RABGAP1L: variants seen among roughly 807,000 people sequenced by gnomAD.
RABGAP1L encodes rab GTPase-activating protein 1-like.
RABGAP1L carries 63 observed loss-of-function variants against 137.7 expected under a neutral mutation model. The ratio of observed to expected loss-of-function variants is 0.46; its 90% CI spans 0.37 to 0.56. RABGAP1L has a LOEUF of 0.56. Ranked by LOEUF, RABGAP1L falls within the 20% of genes least tolerant of loss-of-function variation. RABGAP1L has a pLI of 0.00. For missense variants in RABGAP1L, 1,095 were observed against 1,244.0 expected, an observed-to-expected ratio of 0.88 and a Z score of 1.80; for synonymous variants, 431 against 433.7, an observed-to-expected ratio of 0.99 and a Z score of 0.08.
At chr1:174,273,972 G>A (rs1674762047) in intron 8 of RABGAP1L, among the ~76,000 whole-genome samples, 2 of 152,106 alleles carry the variant, frequency 1.3e-5, no homozygotes, top group Admixed American at 1.3e-4. Context: ...TAGCAGTTGT[G>A]ATTTGTTATT....
At chr1:174,211,878 G>C (rs1668919374) in intron 1 of RABGAP1L, among the ~76,000 whole-genome samples, 1 of 152,110 alleles carries the variant, frequency 6.6e-6, no homozygotes, top group South Asian at 2.1e-4. Flanking sequence ...TATTAGAAGA[G>C]ACAAAGAAGA....
intron 11 of RABGAP1L, among the ~76,000 whole-genome samples, chr1:174,355,278 C>T (rs1190778564): frequency 6.6e-6 from 1 of 151,968 alleles, no homozygotes. Context: ...GAATACTATG[C>T]AGCCATAAAA....
intron 19 of RABGAP1L, among the ~76,000 whole-genome samples, chr1:174,874,697 A>C (rs903077787): frequency 2.0e-5 from 3 of 149,068 alleles, no homozygotes; most frequent in African/African-American, 7.4e-5. Flanking sequence ...GTAAAACAGG[A>C]GTTCGTAGAC....
intron 12 of RABGAP1L, among the ~76,000 whole-genome samples, chr1:174,392,202 T>G (rs1647240025): frequency 6.6e-6 from 1 of 152,246 alleles, no homozygotes; most frequent in Non-Finnish European, 1.5e-5. Context: ...TAAAAGAATT[T>G]AAAATCATTA....
At chr1:174,749,354 AG>A (rs1426099098) in intron 17 of RABGAP1L, among the ~76,000 whole-genome samples, 1 of 151,238 alleles carries the variant, frequency 6.6e-6, no homozygotes, top group African/African-American at 2.4e-5. Flanking sequence ...TTTTTGAGAC[AG>A]GGTCTCGCTG....
At chr1:174,776,381 TA>T (rs202193179) in intron 18 of RABGAP1L, among the ~76,000 whole-genome samples, 144 of 148,136 alleles carry the variant, frequency 9.7e-4, no homozygotes, top group East Asian at 7.5e-3. Context: ...TCTCAAAAAA[TA>T]AAAAAAAAAT....
chr1:174,571,322 A>G (rs1425566112), intron 13 of RABGAP1L, among the ~76,000 whole-genome samples: 1 of 152,112 alleles, frequency 6.6e-6, no homozygotes, highest in African/African-American at 2.4e-5. Context: ...GGGCAAAAAA[A>G]ATAATTAGAA....
chr1:174,842,211 C>T lies in RABGAP1L; in HGVS notation c.2340+30251C>T, dbSNP rs187052854. On this transcript the variant is annotated intron_variant, in intron 19 of 25. Transcript: ENST00000681986. ...TAGCATTACTACAAATGCCTCCTTC[C>T]GTCATCATGTTGAATTCTTCAGCAT... 2.1e-3 allele frequency among the ~76,000 whole-genome samples: 314 copies of T among 152,258 alleles called. 2 individuals are homozygous for T. The highest frequency in any genetic ancestry group is 1.2e-3 in the Non-Finnish European group (82 of 68,000).
At chr1:174,230,899 A>G (rs778965510) in intron 3 of RABGAP1L, among the ~76,000 whole-genome samples, 4 of 152,138 alleles carry the variant, frequency 2.6e-5, no homozygotes, top group Non-Finnish European at 4.4e-5. Context: ...GCTAAGTAAG[A>G]TAATATTTTG....
intron 11 of RABGAP1L, among the ~76,000 whole-genome samples, chr1:174,316,835 C>T (rs1426875039): frequency 1.3e-5 from 2 of 152,104 alleles, no homozygotes; most frequent in Admixed American, 1.3e-4. Flanking sequence ...TCATACTGCC[C>T]CTGAGCTGGC....
At chr1:174,778,594 C>G (rs963970788) in intron 18 of RABGAP1L, among the ~76,000 whole-genome samples, 9 of 151,834 alleles carry the variant, frequency 5.9e-5, no homozygotes, top group African/African-American at 2.2e-4. Flanking sequence ...AGTCCTTGAA[C>G]CTTCTGCATT....
At chr1:174,524,774 G>T (rs1300911803) in intron 13 of RABGAP1L, among the ~76,000 whole-genome samples, 1 of 69,208 alleles carries the variant, frequency 1.4e-5, no homozygotes. Flanking sequence ...TCATAGTTTT[G>T]GGTCTTACTT....
intron 1 of RABGAP1L, among the ~76,000 whole-genome samples, chr1:174,206,635 A>G (rs1257550988): frequency 6.6e-6 from 1 of 152,154 alleles, no homozygotes; most frequent in Non-Finnish European, 1.5e-5. Flanking sequence ...CTTGAAAATG[A>G]GTAGGCACAA....
intron 17 of RABGAP1L, among the ~76,000 whole-genome samples, chr1:174,733,121 T>C (rs1345811467): frequency 6.6e-6 from 1 of 152,056 alleles, no homozygotes; most frequent in African/African-American, 2.4e-5. Context: ...TGGCTCCGAG[T>C]CTGTCTCATA....
At chr1:174,389,711 C>CA (rs2149072368) in intron 12 of RABGAP1L, among the ~76,000 whole-genome samples, 1 of 151,974 alleles carries the variant, frequency 6.6e-6, no homozygotes, top group African/African-American at 2.4e-5. Flanking sequence ...ATTCACTTAC[C>CA]AAAAATGTAT....
At chr1:174,392,738 G>C (rs1254258773) in intron 12 of RABGAP1L, among the ~76,000 whole-genome samples, 2 of 152,198 alleles carry the variant, frequency 1.3e-5, no homozygotes, top group Non-Finnish European at 2.9e-5. Context: ...AGGTAGAAGA[G>C]TGTGTATAAT....
At chr1:174,972,770 C>T (rs1358946307) in intron 21 of RABGAP1L, among the ~76,000 whole-genome samples, 1 of 138,374 alleles carries the variant, frequency 7.2e-6, no homozygotes, top group Non-Finnish European at 1.5e-5. Flanking sequence ...AGGAGAATCT[C>T]TTGAACCTGG....
intron 19 of RABGAP1L, chr1:174,896,917 A>T (rs1657297306): frequency 6.6e-6 from 1 of 152,224 alleles, no homozygotes; most frequent in Non-Finnish European, 1.5e-5. Context: ...TGACTTGGCG[A>T]TGCAAGCTCT....
intron 18 of RABGAP1L, among the ~76,000 whole-genome samples, chr1:174,753,753 G>C (rs985968116): frequency 2.0e-5 from 3 of 152,108 alleles, no homozygotes; most frequent in African/African-American, 7.2e-5. Context: ...AGCATTGAAA[G>C]TATATGTAAT....
Sources: gnomAD v4.1 joint callset for allele counts (sites outside exome capture counted in the v4.1 genomes callset) on GRCh38, gnomAD v4.1.1 for gene constraint, MANE v1.5 for transcripts, NCBI Gene and HGNC (gene_info 2026-07-23, HGNC 2026-07-21) for gene names.